Variants in OGDH observed in about 807,000 individuals in gnomAD.
OGDH encodes 2-oxoglutarate dehydrogenase complex component E1.
OGDH carries 38 observed loss-of-function variants against 116.6 expected under a neutral mutation model. That is an observed-to-expected ratio of 0.33 (90% CI 0.25 to 0.43). OGDH has a LOEUF of 0.43. Among genes scored for constraint, OGDH ranks in the 20% least tolerant of loss-of-function variants. The probability of loss-of-function intolerance (pLI) is 1.00; values close to 1 mark genes in which losing one functional copy is unlikely to be tolerated. For missense variants in OGDH, 825 were observed against 1,357.2 expected (o/e 0.61, Z 6.16); for synonymous variants, 488 against 533.3 (o/e 0.92, Z 1.17).
intron 4 of OGDH, among the ~76,000 whole-genome samples, chr7:44,660,299 AT>A (rs1786877966): frequency 6.6e-6 from 1 of 152,144 alleles, no homozygotes; most frequent in African/African-American, 2.4e-5. Context: ...TATTTTTAAA[AT>A]TTTTTATAGA....
rs1049621776 is a variant in OGDH, at chr7:44,624,207, T to A, written c.-27-110T>A. The A allele has an allele frequency of 2.2e-4, 163 of 732,820 alleles. 1 individual carries two copies. The highest frequency in any genetic ancestry group is 7.8e-5 in the Non-Finnish European group (35 of 449,746). 45.4% of individuals were successfully genotyped at this position (732,820 alleles called of 1,614,324 possible). A position where few individuals can be genotyped will look rare whatever the true frequency, so the allele number is the denominator to read the frequency against. On this transcript the variant is annotated intron_variant, in intron 1 of 22. Transcript: ENST00000222673. ...TTGTTTTTGTTTTTCTAGTAGCTTT[T>A]AAAAAAAAATTATCCTTTCTCTAGA...
At chr7:44,609,171 A>G (rs573082044) in intron 1 of OGDH, among the ~76,000 whole-genome samples, 1 of 152,128 alleles carries the variant, frequency 6.6e-6, no homozygotes, top group East Asian at 1.9e-4. Context: ...CAGTCAGCTT[A>G]ATTCCCTGGA....
chr7:44,674,292 ACC>A lies in OGDH; in HGVS notation c.789-118_789-117del. 6 of 1,247,120 alleles carry A rather than the reference ACC, an allele frequency of 4.8e-6. No individual in the cohort carries two copies. In the South Asian group the frequency reaches 6.7e-5, roughly 14 times the overall value. 77.3% of individuals were successfully genotyped at this position (1,247,120 alleles called of 1,614,324 possible). On this transcript the variant is annotated intron_variant, in intron 6 of 22. Transcript: ENST00000222673. ...ACTCCTGACCTCAGCTGATCTGCCC[ACC>A]TCGGCCTCCCAAGGTGCTGGGATTA... is the stretch of plus-strand genomic sequence containing the variant.
chr7:44,666,493 A>G, intron 4 of OGDH: 1 of 269,902 alleles, frequency 3.7e-6, no homozygotes, highest in Non-Finnish European at 6.9e-6. Flanking sequence ...TATGCATAAT[A>G]TGAATTTTAT....
intron 1 of OGDH, among the ~76,000 whole-genome samples, chr7:44,616,034 A>G (rs1273144864): frequency 7.0e-5 from 10 of 143,330 alleles, no homozygotes; most frequent in South Asian, 2.1e-4. Context: ...GACAGAAAGA[A>G]AAAAAAAAAA....
intron 1 of OGDH, among the ~76,000 whole-genome samples, chr7:44,617,487 C>T (rs1412114401): frequency 1.3e-5 from 2 of 152,064 alleles, no homozygotes; most frequent in Admixed American, 6.6e-5. Context: ...AAAAACTTTA[C>T]AGTTTAAAAG....
chr7:44,681,482 C>T (rs1221199889), intron 9 of OGDH, among the ~76,000 whole-genome samples: 1 of 152,190 alleles, frequency 6.6e-6, no homozygotes, highest in East Asian at 1.9e-4. Context: ...ATCAGGTCTA[C>T]AGCTCTTTCA....
At chr7:44,663,063 G>A (rs1383088790) in intron 4 of OGDH, among the ~76,000 whole-genome samples, 1 of 152,048 alleles carries the variant, frequency 6.6e-6, no homozygotes, top group Non-Finnish European at 1.5e-5. Context: ...CCATTTATAT[G>A]TATGTGAAAT....
chr7:44,698,219 G>A lies in OGDH; in HGVS notation c.2386G>A (p.Glu796Lys), dbSNP rs1436345709. ...MGPEHSSARPERFLQMCNDDP... is the reference protein window; with the variant it reads ...MGPEHSSARPKRFLQMCNDDP... ...TCCAGAACATTCCTCCGCCCGCCCA[G>A]AGCGGTTCTTGCAGATGTGCAACGA... is the stretch of plus-strand genomic sequence containing the variant. The change falls in exon 18 of 23, where the codon GAG becomes AAG. Residue 796 changes from glutamate to lysine, a missense_variant. Transcript: ENST00000222673. 6.2e-7 allele frequency: 1 copy of A among 1,614,088 alleles called. No homozygotes were observed. Among genetic ancestry groups the A allele is most frequent in the African/African-American group, 1.3e-5 (1 of 74,932 alleles).
intron 1 of OGDH, among the ~76,000 whole-genome samples, chr7:44,608,059 A>G (rs1446715550): frequency 6.6e-6 from 1 of 151,990 alleles, no homozygotes; most frequent in Admixed American, 6.6e-5. Context: ...CCTTTAAATA[A>G]CATCTTTATT....
At chr7:44,703,435 A>C (rs1051335160) in intron 20 of OGDH, among the ~76,000 whole-genome samples, 2 of 151,390 alleles carry the variant, frequency 1.3e-5, no homozygotes, top group Admixed American at 1.3e-4. Flanking sequence ...AAAAGACTGA[A>C]TAGGCTGGGC....
intron 10 of OGDH, among the ~76,000 whole-genome samples, chr7:44,693,168 C>A (rs1339984645): frequency 6.6e-6 from 1 of 152,104 alleles, no homozygotes; most frequent in Non-Finnish European, 1.5e-5. Flanking sequence ...ATTAGCCAGG[C>A]ATGGTGGTGC....
intron 2 of OGDH, among the ~76,000 whole-genome samples, chr7:44,638,007 CCTT>C (rs1273753528): frequency 3.9e-5 from 6 of 152,184 alleles, no homozygotes; most frequent in Admixed American, 2.6e-4. Context: ...ACCCCTCACT[CCTT>C]CTGGCAGCTT....
At chr7:44,674,193 C>T (rs1787590219) in intron 6 of OGDH, among the ~76,000 whole-genome samples, 1 of 152,200 alleles carries the variant, frequency 6.6e-6, no homozygotes, top group African/African-American at 2.4e-5. Flanking sequence ...TACAGAGGCA[C>T]ACCACCACGG....
intron 5 of OGDH, among the ~76,000 whole-genome samples, chr7:44,669,512 C>T (rs188357610): frequency 6.6e-6 from 1 of 151,768 alleles, no homozygotes; most frequent in East Asian, 2.0e-4. Flanking sequence ...TCACTGTCTC[C>T]ATAGCACGTC....
chr7:44,681,959 A>G lies in OGDH; in HGVS notation c.1335+111A>G. On this transcript the variant is annotated intron_variant, in intron 10 of 22. Coordinates refer to ENST00000222673, the MANE Select transcript of OGDH (RefSeq NM_002541.4). ...TTCTGATTATAAAAATACATCTGTT[A>G]TTAAAAACCAGGTGCAGTGGCTCAC... 2.1e-6 allele frequency: 3 copies of G among 1,420,304 alleles called. No homozygotes were observed. The South Asian group carries it at 4.0e-5, about 19-fold the overall frequency. 88.0% of individuals were successfully genotyped at this position (1,420,304 alleles called of 1,614,324 possible). A position where few individuals can be genotyped will look rare whatever the true frequency, so the allele number is the denominator to read the frequency against.
intron 2 of OGDH, among the ~76,000 whole-genome samples, chr7:44,640,858 T>G (rs1463349881): frequency 6.6e-6 from 1 of 151,678 alleles, no homozygotes; most frequent in Non-Finnish European, 1.5e-5. Context: ...TGGAGCAAGT[T>G]TGGGGTAAAG....
Position 44,676,044 on chromosome 7 carries a change from C to G in OGDH, c.1101C>G (p.Thr367=), listed in dbSNP as rs754894728. Residue 367 remains threonine (T), a synonymous_variant, in exon 9 of 23, where the codon ACC becomes ACG. Coordinates refer to ENST00000222673, the MANE Select transcript of OGDH (RefSeq NM_002541.4). ...ATCGTGTCACCGACAGGAACATTAC[C>G]TTGTCCTTGGTGGCCAACCCTTCCC... ...RINRVTDRNI[T]LSLVANPSHL... 39 of 1,613,980 alleles carry G rather than the reference C, an allele frequency of 2.4e-5. 1 individual carries two copies. The Admixed American group carries it at 6.5e-4, about 27-fold the overall frequency.
chr7:44,664,940 T>C (rs766414249), intron 4 of OGDH, among the ~76,000 whole-genome samples: 2 of 152,216 alleles, frequency 1.3e-5, no homozygotes, highest in Non-Finnish European at 2.9e-5. Context: ...GGGTCCATGC[T>C]GAAAGACTGC....
Sources: allele counts gnomAD v4.1 joint callset (sites outside exome capture counted in the v4.1 genomes callset), GRCh38; gene constraint gnomAD v4.1.1; transcripts MANE v1.5; gene names NCBI Gene and HGNC (gene_info 2026-07-23, HGNC 2026-07-21).